Variants in BPTF observed in about 807,000 individuals in gnomAD.
The protein encoded by BPTF is nucleosome-remodeling factor subunit BPTF.
BPTF carries 18 observed loss-of-function variants against 292.5 expected under a neutral mutation model. The observed-to-expected ratio is 0.06, with a 90% CI of 0.04 to 0.09. BPTF has a LOEUF of 0.09. Ranked by LOEUF, BPTF falls within the 10% of genes least tolerant of loss-of-function variation. The probability of loss-of-function intolerance (pLI) is 1.00; values close to 1 mark genes in which losing one functional copy is unlikely to be tolerated. For missense variants in BPTF, 2,726 were observed against 3,498.7 expected (o/e 0.78, Z 5.57); for synonymous variants, 1,225 against 1,251.9 (o/e 0.98, Z 0.45).
At chr17:67,950,271 G>A (rs1164453152) in intron 23 of BPTF, among the ~76,000 whole-genome samples, 4 of 149,158 alleles carry the variant, frequency 2.7e-5, no homozygotes, top group African/African-American at 5.0e-5. Flanking sequence ...CGCCCCCACC[G>A]CCAAAAAAAG....
chr17:67,830,536 G>A (rs2056570859), intron 1 of BPTF, among the ~76,000 whole-genome samples: 3 of 152,108 alleles, frequency 2.0e-5, no homozygotes, highest in African/African-American at 7.2e-5. Flanking sequence ...TTTTAAGGAG[G>A]GCGAGATAAT....
intron 21 of BPTF, among the ~76,000 whole-genome samples, chr17:67,946,967 T>C (rs1314796878): frequency 1.3e-5 from 2 of 152,238 alleles, no homozygotes; most frequent in African/African-American, 4.8e-5. Flanking sequence ...CGCTCAGCAC[T>C]AGGCAGGAGT....
At chr17:67,913,786 G>A (rs746310194) in intron 11 of BPTF, among the ~76,000 whole-genome samples, 4 of 152,088 alleles carry the variant, frequency 2.6e-5, no homozygotes, top group Admixed American at 6.6e-5. Context: ...TAGGGGATGC[G>A]TCCTAAATAG....
At chr17:67,904,681 A>C (rs1390243080) in intron 8 of BPTF, 21 bp from the exon 9 acceptor site, 1 of 1,571,498 alleles carries the variant, frequency 6.4e-7, no homozygotes, top group East Asian at 2.3e-5. Context: ...TGTTTAATCA[A>C]AATGTTTTCA....
chr17:67,865,883 ATTAT>A (rs1432824903), intron 2 of BPTF, among the ~76,000 whole-genome samples: 1 of 152,178 alleles, frequency 6.6e-6, no homozygotes, highest in Non-Finnish European at 1.5e-5. Context: ...GGGATGAGAT[ATTAT>A]TTGAGATAAC....
intron 4 of BPTF, among the ~76,000 whole-genome samples, chr17:67,879,918 C>T (rs2060287112): frequency 6.6e-6 from 1 of 152,156 alleles, no homozygotes; most frequent in African/African-American, 2.4e-5. Flanking sequence ...CCATTAGGCC[C>T]CACCTCCAAC....
At chr17:67,966,756 G>A (rs2148444127) in intron 26 of BPTF, 100 bp downstream of exon 26, 1 of 1,072,634 alleles carries the variant, frequency 9.3e-7, no homozygotes. Flanking sequence ...AAGGCTGGTG[G>A]GGGTATAAAT....
chr17:67,970,125 T>G (rs1175076851), intron 26 of BPTF, among the ~76,000 whole-genome samples: 1 of 150,340 alleles, frequency 6.7e-6, no homozygotes, highest in African/African-American at 2.5e-5. Flanking sequence ...CCCAGCTACT[T>G]AGGAGGCTGA....
intron 4 of BPTF, among the ~76,000 whole-genome samples, chr17:67,881,653 G>A (rs529607796): frequency 3.6e-4 from 55 of 151,192 alleles, no homozygotes; most frequent in African/African-American, 4.9e-4. Flanking sequence ...ATAGACGCGC[G>A]CCACCACATC....
At chr17:67,924,684 T>A in intron 15 of BPTF, 95 bp downstream of exon 15, 1 of 1,388,800 alleles carries the variant, frequency 7.2e-7, no homozygotes, top group Non-Finnish European at 1.0e-6. Flanking sequence ...GGGGAGTTGG[T>A]GCTGGTCCCA....
At position 67,964,096 on chromosome 17, in the gene BPTF, A is replaced by G. The variant is rs143295184; in HGVS notation, c.8262-116A>G. 4.4e-4 allele frequency: 461 copies of G among 1,036,220 alleles called. 2 individuals carry two copies. In the African/African-American group the frequency reaches 6.8e-3, roughly 15 times the overall value. The allele number at this position is 1,036,220 out of a possible 1,614,324, so 64.2% of individuals were successfully genotyped here. A position where few individuals can be genotyped will look rare whatever the true frequency, so the allele number is the denominator to read the frequency against. On this transcript the variant is annotated intron_variant, in intron 24 of 27. Coordinates refer to ENST00000306378, the MANE Select transcript of BPTF (RefSeq NM_182641.4). ...TGTCAATCTTGAAAGTATTAAAACC[A>G]TAATACTAAAACTATTTTATATCCC...
At chr17:67,876,673 T>C (rs1030779983) in intron 4 of BPTF, among the ~76,000 whole-genome samples, 13 of 151,984 alleles carry the variant, frequency 8.6e-5, no homozygotes, top group Non-Finnish European at 1.8e-4. Context: ...GGACATGATA[T>C]CATGCGCCTG....
chr17:67,828,939 CAG>C (rs2056381775), intron 1 of BPTF, among the ~76,000 whole-genome samples: 1 of 152,208 alleles, frequency 6.6e-6, no homozygotes, highest in Non-Finnish European at 1.5e-5. Context: ...GCTCCTGTAA[CAG>C]AGTTTTGCAC....
rs1555675475 is a variant in BPTF at position 67,946,341 on chromosome 17, A to G, written c.7617+16A>G. 6.2e-7 allele frequency: 1 copy of G among 1,610,620 alleles called. No individual in the cohort carries two copies. Among genetic ancestry groups the G allele is most frequent in the Non-Finnish European group, 8.5e-7 (1 of 1,178,366 alleles). ...TCAGAAACAGGTAAAGTTATTAAGT[A>G]AAAGCAGCATGTTCAGTAGCTTGAA... is the stretch of plus-strand genomic sequence containing the variant. On this transcript the variant is annotated intron_variant, in intron 21 of 27. Coordinates refer to ENST00000306378, the MANE Select transcript of BPTF (RefSeq NM_182641.4).
In BPTF at chr17:67,912,430, A is replaced by T; in HGVS notation, c.4546A>T (p.Thr1516Ser). The change falls in exon 11 of 28, where the codon ACC (threonine) becomes TCC (serine). Residue 1516 changes from threonine (T) to serine (S), a missense_variant. Thr to Ser is a moderately conservative substitution (Grantham distance 58, BLOSUM62 1). This residue lies in a region of BPTF where 713 missense variants were observed against 714.9 expected (regional missense o/e 1.00). Coordinates refer to ENST00000306378, the MANE Select transcript of BPTF (RefSeq NM_182641.4). ...CAAAGAGTCTGACAGTACACAGACGACCACACCCTCAGCATCTTGTCCAGA... is the reference window on the plus strand; with the variant it reads ...CAAAGAGTCTGACAGTACACAGACGTCCACACCCTCAGCATCTTGTCCAGA... ...STKESDSTQT[T>S]TPSASCPESN... is the part of the protein sequence containing the mutation. 1 of 1,613,908 alleles carries T rather than the reference A, an allele frequency of 6.2e-7. No homozygotes were observed. The highest frequency in any genetic ancestry group is 1.7e-4 in the Middle Eastern group (1 of 6,058).
chr17:67,911,547 C>G lies in BPTF; in HGVS notation c.3663C>G (p.Ala1221=), dbSNP rs9909489. 0.019 allele frequency: 30,689 copies of G among 1,613,828 alleles called. 5,113 individuals carry two copies. The African/African-American group carries it at 0.36, about 19-fold the overall frequency. ...NDFFIDDSKL[A]SADDIGTLIC... is the part of the protein sequence containing the mutation. ...TTTTCATCGATGACTCTAAACTAGC[C>G]AGTGCAGATGATATTGGTACTTTGA... The change falls in exon 11 of 28, where the codon GCC becomes GCG. Residue 1221 remains alanine, a synonymous_variant. Coordinates refer to ENST00000306378, the MANE Select transcript of BPTF (RefSeq NM_182641.4).
intron 19 of BPTF, among the ~76,000 whole-genome samples, chr17:67,941,964 T>C (rs1004213174): frequency 2.6e-5 from 4 of 151,954 alleles, no homozygotes; most frequent in Non-Finnish European, 4.4e-5. Flanking sequence ...AAAGAATTAC[T>C]ACAAATCAAG....
chr17:67,940,145 G>A (rs968129601), intron 18 of BPTF, among the ~76,000 whole-genome samples: 2 of 151,978 alleles, frequency 1.3e-5, no homozygotes, highest in Admixed American at 1.3e-4. Flanking sequence ...ATTCTTTTTT[G>A]TCTTCCCTAT....
chr17:67,838,148 C>G (rs2057277012), intron 1 of BPTF, among the ~76,000 whole-genome samples: 1 of 152,198 alleles, frequency 6.6e-6, no homozygotes, highest in Non-Finnish European at 1.5e-5. Context: ...GCCCTCATAG[C>G]AGGAAAGCAG....
Sources: gnomAD v4.1 joint callset for allele counts (sites outside exome capture counted in the v4.1 genomes callset) on GRCh38, gnomAD v4.1.1 for gene constraint, gnomAD v4.1.1 regional missense constraint, MANE v1.5 for transcripts, NCBI Gene and HGNC (gene_info 2026-07-23, HGNC 2026-07-21) for gene names.